Variants in PDE4B observed in about 807,000 individuals in gnomAD.
The protein encoded by PDE4B is phosphodiesterase 4B.
Under a neutral mutation model 82.2 loss-of-function variants are expected in PDE4B, and 20 were observed. That is an observed-to-expected ratio of 0.24 (90% confidence interval 0.17 to 0.35). PDE4B has a LOEUF of 0.35. Ranked by LOEUF, PDE4B falls within the 10% of genes least tolerant of loss-of-function variation. PDE4B has a pLI of 1.00. For missense variants in PDE4B, 655 were observed against 907.2 expected, an observed-to-expected ratio of 0.72 and a Z score of 3.57; for synonymous variants, 320 against 318.9, an observed-to-expected ratio of 1.00 and a Z score of -0.04.
At chr1:66,285,268 A>G (rs1457264491) in intron 7 of PDE4B, among the ~76,000 whole-genome samples, 2 of 152,164 alleles carry the variant, frequency 1.3e-5, no homozygotes, top group Non-Finnish European at 2.9e-5. Context: ...CAAATTGAAG[A>G]CGTATAGTCT....
chr1:65,932,958 C>G (rs57873782), intron 3 of PDE4B, among the ~76,000 whole-genome samples: 16,761 of 152,054 alleles, frequency 0.11, 1,088 homozygotes, highest in Middle Eastern at 0.2. Flanking sequence ...TTATGGGACA[C>G]CATCAAGTGG....
At chr1:65,896,693 A>G (rs548396100) in intron 1 of PDE4B, among the ~76,000 whole-genome samples, 2 of 152,206 alleles carry the variant, frequency 1.3e-5, no homozygotes, top group Non-Finnish European at 2.9e-5. Context: ...ATAATCATTC[A>G]TGATTATATA....
At chr1:65,955,331 A>C (rs1649200756) in intron 3 of PDE4B, among the ~76,000 whole-genome samples, 1 of 152,128 alleles carries the variant, frequency 6.6e-6, no homozygotes, top group Admixed American at 6.6e-5. Context: ...GGGCGTGGAC[A>C]GTTTATACTA....
At chr1:66,133,452 C>T (rs1300100131) in intron 3 of PDE4B, among the ~76,000 whole-genome samples, 3 of 152,112 alleles carry the variant, frequency 2.0e-5, no homozygotes, top group African/African-American at 7.2e-5. Context: ...GTCTCCGAGT[C>T]CTATTTTGCT....
chr1:65,935,251 A>C (rs568884344), intron 3 of PDE4B, among the ~76,000 whole-genome samples: 2 of 152,302 alleles, frequency 1.3e-5, no homozygotes, highest in Admixed American at 1.3e-4. Flanking sequence ...CACACTCCCG[A>C]TATCCTAGTA....
chr1:66,151,582 C>T (rs765498658), intron 3 of PDE4B, among the ~76,000 whole-genome samples: 7 of 152,124 alleles, frequency 4.6e-5, no homozygotes, highest in Non-Finnish European at 8.8e-5. Context: ...TGCCTTTATT[C>T]GTTTCTTCTC....
intron 3 of PDE4B, among the ~76,000 whole-genome samples, chr1:66,100,649 T>C (rs1166725021): frequency 1.3e-5 from 2 of 152,120 alleles, no homozygotes; most frequent in Non-Finnish European, 2.9e-5. Flanking sequence ...GCTTCACTGT[T>C]GTTGTGAGGA....
At chr1:65,903,691 TC>T (rs1292752497) in intron 1 of PDE4B, among the ~76,000 whole-genome samples, 1 of 152,220 alleles carries the variant, frequency 6.6e-6, no homozygotes, top group Non-Finnish European at 1.5e-5. Context: ...TCCTTTATGT[TC>T]TATCAAAACA....
At chr1:66,238,088 A>G (rs1295868730) in intron 3 of PDE4B, among the ~76,000 whole-genome samples, 1 of 152,264 alleles carries the variant, frequency 6.6e-6, no homozygotes, top group African/African-American at 2.4e-5. Flanking sequence ...AAGAATGAGA[A>G]GAAGGCAGCC....
intron 8 of PDE4B, among the ~76,000 whole-genome samples, chr1:66,344,705 T>A (rs569917189): frequency 1.5e-4 from 23 of 152,308 alleles, no homozygotes; most frequent in Admixed American, 9.2e-4. Flanking sequence ...GAGCAAAATA[T>A]GAGCTCCTTT....
intron 8 of PDE4B, among the ~76,000 whole-genome samples, chr1:66,335,554 T>C (rs982548037): frequency 6.6e-6 from 1 of 152,238 alleles, no homozygotes; most frequent in Non-Finnish European, 1.5e-5. Context: ...ATGTACTTCA[T>C]AGCCTAGAGA....
chr1:66,118,345 A>G (rs1222391387), intron 3 of PDE4B, among the ~76,000 whole-genome samples: 7 of 152,144 alleles, frequency 4.6e-5, no homozygotes, highest in Non-Finnish European at 8.8e-5. Flanking sequence ...TGATAGACTG[A>G]ATTAAGAAAA....
At chr1:66,241,214 T>C (rs1204654264) in intron 3 of PDE4B, among the ~76,000 whole-genome samples, 3 of 152,184 alleles carry the variant, frequency 2.0e-5, no homozygotes, top group Non-Finnish European at 4.4e-5. Flanking sequence ...GCCAGAGGAG[T>C]TCTGCCTGCC....
intron 1 of PDE4B, among the ~76,000 whole-genome samples, chr1:65,819,510 T>G (rs539119447): frequency 4.2e-4 from 63 of 151,264 alleles, no homozygotes; most frequent in Middle Eastern, 3.4e-3. Context: ...TTTTGTTTTT[T>G]TTTTTTTTTG....
intron 3 of PDE4B, among the ~76,000 whole-genome samples, chr1:66,154,748 A>AT (rs1196668880): frequency 6.6e-6 from 1 of 152,206 alleles, no homozygotes; most frequent in Non-Finnish European, 1.5e-5. Context: ...ACCTCTTCTC[A>AT]TGCCTGTCTC....
chr1:66,185,384 T>G lies in PDE4B; in HGVS notation c.282-62076T>G, dbSNP rs192508405. On this transcript the variant is annotated intron_variant, in intron 3 of 16. Transcript: ENST00000341517. ...AATGGGATTGCTGGGTCAAACGGTA[T>G]TTCTAGTTCTAGATCCCTGAGGAAT... Among the ~76,000 whole-genome samples, 13 of 152,318 alleles carry G rather than the reference T, an allele frequency of 8.5e-5. No homozygotes were observed. The East Asian group carries it at 2.1e-3, about 25-fold the overall frequency.
intron 7 of PDE4B, among the ~76,000 whole-genome samples, chr1:66,282,061 G>C (rs757913289): frequency 6.6e-6 from 1 of 152,334 alleles, no homozygotes; most frequent in East Asian, 1.9e-4. Context: ...AGGTACCTGC[G>C]TTGAAGGTAC....
chr1:65,855,600 C>T (rs952556901), intron 1 of PDE4B, among the ~76,000 whole-genome samples: 2 of 152,134 alleles, frequency 1.3e-5, no homozygotes, highest in Non-Finnish European at 2.9e-5. Flanking sequence ...CTGATTATTC[C>T]GTGTTCAATT....
intron 3 of PDE4B, among the ~76,000 whole-genome samples, chr1:65,952,883 C>G (rs1649077022): frequency 6.6e-6 from 1 of 152,064 alleles, no homozygotes; most frequent in South Asian, 2.1e-4. Flanking sequence ...AGCAAAACGT[C>G]TGACTCATAG....
Sources: allele counts gnomAD v4.1 joint callset (sites outside exome capture counted in the v4.1 genomes callset), GRCh38; gene constraint gnomAD v4.1.1; transcripts MANE v1.5; gene names NCBI Gene and HGNC (gene_info 2026-07-23, HGNC 2026-07-21).